SORCS2: variants seen among roughly 807,000 people sequenced by gnomAD.
SORCS2 encodes the protein sortilin related VPS10 domain containing receptor 2, also known as VPS10 domain-containing receptor SorCS2.
SORCS2 carries 100 observed loss-of-function variants against 141.6 expected under a neutral mutation model. That is an observed-to-expected ratio of 0.71 (90% confidence interval 0.60 to 0.83). The LOEUF (loss-of-function observed/expected upper bound fraction) is 0.83, where lower values mean the gene tolerates loss of function less well. Ranked by LOEUF, SORCS2 falls within the 40% of genes least tolerant of loss-of-function variation. SORCS2 has a pLI of 0.00. For synonymous variants in SORCS2, 789 were observed against 676.9 expected (o/e 1.17, Z -2.57); for missense variants, 1,646 against 1,560.2 (o/e 1.05, Z -0.93).
At chr4:7,412,483 G>A (rs2109158209) in intron 2 of SORCS2, among the ~76,000 whole-genome samples, 1 of 152,280 alleles carries the variant, frequency 6.6e-6, no homozygotes, top group East Asian at 1.9e-4. Context: ...TGAGCTCACA[G>A]CCAGCTTCCT....
intron 2 of SORCS2, among the ~76,000 whole-genome samples, chr4:7,447,747 G>A (rs1203401755): frequency 2.0e-5 from 3 of 152,250 alleles, no homozygotes; most frequent in South Asian, 2.1e-4. Flanking sequence ...AGACGGAGCC[G>A]GGCATTTCGA....
chr4:7,528,195 T>C (rs1359874495), intron 2 of SORCS2, among the ~76,000 whole-genome samples: 1 of 152,030 alleles, frequency 6.6e-6, no homozygotes, highest in Non-Finnish European at 1.5e-5. Flanking sequence ...TGTGAAAGAA[T>C]TTGAATGAGG....
chr4:7,611,468 C>G (rs150393343), intron 3 of SORCS2, among the ~76,000 whole-genome samples: 257 of 152,280 alleles, frequency 1.7e-3, no homozygotes, highest in Middle Eastern at 6.8e-3. Context: ...GGTGCCCAGC[C>G]CAGGAGCTGT....
intron 3 of SORCS2, among the ~76,000 whole-genome samples, chr4:7,627,955 C>T (rs1408984642): frequency 1.3e-5 from 2 of 152,262 alleles, no homozygotes; most frequent in African/African-American, 4.8e-5. Context: ...TTCTCAGCTC[C>T]TGCTGCACCC....
intron 2 of SORCS2, among the ~76,000 whole-genome samples, chr4:7,437,870 T>A (rs1446867472): frequency 6.6e-6 from 1 of 152,170 alleles, no homozygotes; most frequent in Non-Finnish European, 1.5e-5. Context: ...CTCACCTGTC[T>A]GTCCACCTAC....
At chr4:7,265,457 C>T (rs1028494349) in intron 1 of SORCS2, among the ~76,000 whole-genome samples, 18 of 152,106 alleles carry the variant, frequency 1.2e-4, no homozygotes, top group Non-Finnish European at 1.6e-4. Context: ...CACCACTGCA[C>T]TCCAGCCTGG....
intron 1 of SORCS2, among the ~76,000 whole-genome samples, chr4:7,283,101 C>T (rs150593093): frequency 6.6e-6 from 1 of 152,332 alleles, no homozygotes; most frequent in East Asian, 1.9e-4. Flanking sequence ...TCACTCCCTC[C>T]CTCCTGAAAC....
At chr4:7,676,583 C>T (rs1173583697) in intron 9 of SORCS2, among the ~76,000 whole-genome samples, 1 of 152,140 alleles carries the variant, frequency 6.6e-6, no homozygotes, top group African/African-American at 2.4e-5. Flanking sequence ...CATCAGACGT[C>T]CTGGGCTGGG....
chr4:7,427,610 T>G (rs929180340), intron 2 of SORCS2, among the ~76,000 whole-genome samples: 2 of 152,042 alleles, frequency 1.3e-5, no homozygotes, highest in African/African-American at 4.8e-5. Context: ...CTGGGTTTCA[T>G]TGGTTATGCA....
chr4:7,323,571 G>T (rs955593140), intron 1 of SORCS2, among the ~76,000 whole-genome samples: 9 of 152,120 alleles, frequency 5.9e-5, no homozygotes, highest in Admixed American at 2.0e-4. Flanking sequence ...GGTAGCACCT[G>T]TGCCCTTGCC....
intron 14 of SORCS2, among the ~76,000 whole-genome samples, chr4:7,706,878 G>T (rs1029811999): frequency 2.6e-5 from 4 of 152,212 alleles, no homozygotes; most frequent in African/African-American, 4.8e-5. Context: ...TGTTGGGGAG[G>T]TTGGGCAGAC....
Position 7,633,782 on chromosome 4 carries a change from G to T in SORCS2, c.649-4546G>T, listed in dbSNP as rs557509027. 3.3e-4 allele frequency among the ~76,000 whole-genome samples: 41 copies of T among 124,320 alleles called. 7 individuals carry two copies. Among genetic ancestry groups the T allele is most frequent in the African/African-American group, 1.0e-3 (40 of 39,636 alleles). 81.6% of individuals were successfully genotyped at this position (124,320 alleles called of 152,430 possible). A position where few individuals can be genotyped will look rare whatever the true frequency, so the allele number is the denominator to read the frequency against. On this transcript the variant is annotated intron_variant, in intron 3 of 26. Transcript: ENST00000507866. ...TGTTCATTCACTCATTCCTGCATGC[G>T]CTCCTTCATGTGTCCGTCAGGCGGG...
chr4:7,674,588 A>T (rs1277081879), intron 8 of SORCS2, among the ~76,000 whole-genome samples: 33 of 145,290 alleles, frequency 2.3e-4, no homozygotes, highest in South Asian at 1.3e-3. Flanking sequence ...TAAAAAAAAA[A>T]AAAAAAAAAA....
intron 2 of SORCS2, among the ~76,000 whole-genome samples, chr4:7,487,079 G>A (rs1392534319): frequency 6.6e-6 from 1 of 152,044 alleles, no homozygotes; most frequent in African/African-American, 2.4e-5. Flanking sequence ...CTACCTCTCC[G>A]AGGGCCAGCC....
chr4:7,497,304 G>A (rs1004435306), intron 2 of SORCS2, among the ~76,000 whole-genome samples: 4 of 152,234 alleles, frequency 2.6e-5, no homozygotes, highest in Admixed American at 1.3e-4. Flanking sequence ...AGCCTTCCCC[G>A]CAGCACAGCG....
At chr4:7,586,873 G>A (rs971333843) in intron 3 of SORCS2, among the ~76,000 whole-genome samples, 7 of 151,960 alleles carry the variant, frequency 4.6e-5, no homozygotes, top group Admixed American at 2.0e-4. Context: ...GCATTTTCTC[G>A]AGGTGTTGAA....
At chr4:7,463,956 G>A (rs570859357) in intron 2 of SORCS2, among the ~76,000 whole-genome samples, 5 of 152,338 alleles carry the variant, frequency 3.3e-5, no homozygotes, top group Non-Finnish European at 4.4e-5. Context: ...AGTCTGGGAC[G>A]TTGGATCGAG....
intron 1 of SORCS2, among the ~76,000 whole-genome samples, chr4:7,300,451 A>C (rs1195597945): frequency 6.6e-6 from 1 of 152,072 alleles, no homozygotes; most frequent in Non-Finnish European, 1.5e-5. Flanking sequence ...ACTCTCACCA[A>C]GCCCTGCTGA....
intron 1 of SORCS2, among the ~76,000 whole-genome samples, chr4:7,297,145 C>G (rs540854580): frequency 1.3e-5 from 2 of 152,320 alleles, no homozygotes; most frequent in Admixed American, 1.3e-4. Context: ...GGCATCTCCT[C>G]TGCATTAGGT....
Sources: gnomAD v4.1 joint callset for allele counts (sites outside exome capture counted in the v4.1 genomes callset) on GRCh38, gnomAD v4.1.1 for gene constraint, MANE v1.5 for transcripts, NCBI Gene and HGNC (gene_info 2026-07-23, HGNC 2026-07-21) for gene names.